The following FAF1 variants were observed in gnomAD, a reference collection of about 807,000 sequenced individuals.
The protein encoded by FAF1 is FAS-associated factor 1.
A neutral mutation model predicts 92.5 loss-of-function variants in FAF1; 25 were observed. The ratio of observed to expected loss-of-function variants is 0.27; its 90% CI spans 0.20 to 0.38. FAF1 has a LOEUF of 0.38. FAF1 is among the 10% of genes least tolerant of loss of function. The probability of loss-of-function intolerance (pLI) is 1.00; values close to 1 mark genes in which losing one functional copy is unlikely to be tolerated. For synonymous variants in FAF1, 234 were observed against 273.2 expected (o/e 0.86, Z 1.42); for missense variants, 636 against 793.3 (o/e 0.80, Z 2.38).
intron 7 of FAF1, among the ~76,000 whole-genome samples, chr1:50,665,498 G>A (rs1018712821): frequency 4.6e-5 from 7 of 152,152 alleles, no homozygotes; most frequent in East Asian, 1.9e-4. Context: ...AATACTGTGC[G>A]GTTATTAAAG....
intron 13 of FAF1, among the ~76,000 whole-genome samples, chr1:50,560,525 C>A (rs1237834136): frequency 6.6e-6 from 1 of 152,210 alleles, no homozygotes; most frequent in African/African-American, 2.4e-5. Context: ...GCACTATTGG[C>A]AACTCCTGGG....
intron 7 of FAF1, among the ~76,000 whole-genome samples, chr1:50,658,091 G>A (rs1655205413): frequency 1.3e-5 from 2 of 152,062 alleles, no homozygotes; most frequent in African/African-American, 2.4e-5. Flanking sequence ...TTCTTAACGA[G>A]AAAGGTGTTC....
chr1:50,932,941 C>T (rs1402013775), intron 1 of FAF1, among the ~76,000 whole-genome samples: 1 of 152,206 alleles, frequency 6.6e-6, no homozygotes, highest in Non-Finnish European at 1.5e-5. Flanking sequence ...GGCTTCTACC[C>T]TCTCAAGCCA....
intron 15 of FAF1, among the ~76,000 whole-genome samples, chr1:50,505,133 G>T (rs1053624150): frequency 1.2e-4 from 18 of 152,276 alleles, no homozygotes; most frequent in Admixed American, 4.6e-4. Flanking sequence ...TTTCAGGAAA[G>T]ACATGAATGG....
At chr1:50,691,261 T>C (rs1411299310) in intron 7 of FAF1, among the ~76,000 whole-genome samples, 1 of 152,110 alleles carries the variant, frequency 6.6e-6, no homozygotes, top group Non-Finnish European at 1.5e-5. Flanking sequence ...TTTTTTTTTT[T>C]CCAGACAGTT....
chr1:50,699,900 T>C (rs1423000072), intron 7 of FAF1, among the ~76,000 whole-genome samples: 3 of 152,298 alleles, frequency 2.0e-5, no homozygotes, highest in Non-Finnish European at 2.9e-5. Context: ...AAACTAACCC[T>C]ACATTCATGT....
intron 1 of FAF1, among the ~76,000 whole-genome samples, chr1:50,918,018 CTA>C (rs761480272): frequency 3.3e-5 from 5 of 152,082 alleles, no homozygotes; most frequent in African/African-American, 4.8e-5. Flanking sequence ...ATGATTGAGA[CTA>C]TGAAGAAACC....
intron 1 of FAF1, among the ~76,000 whole-genome samples, chr1:50,864,845 C>G (rs1644466836): frequency 6.6e-6 from 1 of 151,988 alleles, no homozygotes; most frequent in Non-Finnish European, 1.5e-5. Flanking sequence ...CAAATGGGAT[C>G]TAATTAAACT....
chr1:50,504,518 T>C (rs150912696), intron 15 of FAF1, among the ~76,000 whole-genome samples: 197 of 151,438 alleles, frequency 1.3e-3, no homozygotes, highest in Middle Eastern at 3.4e-3. Flanking sequence ...GTCAAGAGTA[T>C]CTAATATGCA....
intron 1 of FAF1, among the ~76,000 whole-genome samples, chr1:50,939,273 T>C (rs1274010539): frequency 2.6e-5 from 4 of 152,176 alleles, no homozygotes; most frequent in African/African-American, 9.7e-5. Flanking sequence ...CTTGTAGAGA[T>C]TTTCACGTCC....
chr1:50,857,923 A>G lies in FAF1; in HGVS notation c.114+6T>C, dbSNP rs1293683973. On this transcript the variant is annotated splice_donor_region_variant and intron_variant, in intron 2 of 18. Coordinates refer to ENST00000396153, the MANE Select transcript of FAF1 (RefSeq NM_007051.3). ...TTACTCATCAGAGAAAGAAAAAAGT[A>G]CTTACCACTAAGTCCCAATTATTTT... 2 of 1,571,950 alleles carry G rather than the reference A, an allele frequency of 1.3e-6. No individual in the cohort carries two copies. The highest frequency in any genetic ancestry group is 1.7e-6 in the Non-Finnish European group (2 of 1,155,148).
intron 8 of FAF1, among the ~76,000 whole-genome samples, chr1:50,597,543 AT>A (rs1651879043): frequency 6.6e-6 from 1 of 152,170 alleles, no homozygotes; most frequent in Non-Finnish European, 1.5e-5. Context: ...TATTAACATT[AT>A]TTTAAGTATA....
chr1:50,744,865 A>G (rs1659525294), intron 4 of FAF1, 90 bp from the exon 5 acceptor site: 2 of 653,860 alleles, frequency 3.1e-6, no homozygotes, highest in Non-Finnish European at 2.6e-6. Flanking sequence ...TATGTGGCAT[A>G]CAGTGTACAG....
At chr1:50,775,305 C>G (rs1047934502) in intron 4 of FAF1, among the ~76,000 whole-genome samples, 4 of 151,952 alleles carry the variant, frequency 2.6e-5, no homozygotes, top group Admixed American at 2.6e-4. Flanking sequence ...AAACACTGTG[C>G]TAGAATAAAG....
At chr1:50,888,504 C>T (rs997022823) in intron 1 of FAF1, among the ~76,000 whole-genome samples, 2 of 152,114 alleles carry the variant, frequency 1.3e-5, no homozygotes, top group African/African-American at 4.8e-5. Flanking sequence ...ATGATATTGG[C>T]TGTGGGTTTG....
chr1:50,717,224 A>T (rs1327228597), intron 6 of FAF1, among the ~76,000 whole-genome samples: 1 of 152,236 alleles, frequency 6.6e-6, no homozygotes, highest in Non-Finnish European at 1.5e-5. Context: ...CAAAATTCAT[A>T]CATTGAAGCC....
chr1:50,778,871 T>G (rs1661057924), intron 4 of FAF1, among the ~76,000 whole-genome samples: 1 of 151,810 alleles, frequency 6.6e-6, no homozygotes, highest in Non-Finnish European at 1.5e-5. Flanking sequence ...AAATAGAGCT[T>G]GCTGCATCGA....
chr1:50,801,552 A>C, intron 3 of FAF1, 79 bp downstream of exon 3: 1 of 794,082 alleles, frequency 1.3e-6, no homozygotes, highest in Non-Finnish European at 2.2e-6. Context: ...CTATTAAAAA[A>C]TAAAACAAAA....
intron 4 of FAF1, among the ~76,000 whole-genome samples, chr1:50,765,332 G>C (rs879913415): frequency 6.6e-6 from 1 of 152,092 alleles, no homozygotes; most frequent in Non-Finnish European, 1.5e-5. Flanking sequence ...TTTTTCTTCA[G>C]AGTCTCAAAT....
Sources: allele counts gnomAD v4.1 joint callset (sites outside exome capture counted in the v4.1 genomes callset), GRCh38; gene constraint gnomAD v4.1.1; transcripts MANE v1.5; gene names NCBI Gene and HGNC (gene_info 2026-07-23, HGNC 2026-07-21).